NR6A1: variants seen among roughly 807,000 people sequenced by gnomAD.
The protein encoded by NR6A1 is retinoic acid receptor-related testis-associated receptor.
Under a neutral mutation model 59.1 loss-of-function variants are expected in NR6A1, and 7 were observed. That is an observed-to-expected ratio of 0.12 (90% CI 0.07 to 0.22). The LOEUF (loss-of-function observed/expected upper bound fraction) is 0.22. Ranked by LOEUF, NR6A1 falls within the 10% of genes least tolerant of loss-of-function variation. The probability of loss-of-function intolerance (pLI) is 1.00; values close to 1 mark genes in which losing one functional copy is unlikely to be tolerated. For synonymous variants in NR6A1, 243 were observed against 236.1 expected, an observed-to-expected ratio of 1.03 and a Z score of -0.27; for missense variants, 468 against 611.6, an observed-to-expected ratio of 0.77 and a Z score of 2.48.
intron 2 of NR6A1, among the ~76,000 whole-genome samples, chr9:124,694,568 TA>T: frequency 6.6e-6 from 1 of 152,234 alleles, no homozygotes; most frequent in Non-Finnish European, 1.5e-5. Flanking sequence ...ATAGAAGATG[TA>T]CATTTTTCTT....
At chr9:124,769,711 A>C (rs1416849134) in intron 1 of NR6A1, among the ~76,000 whole-genome samples, 2 of 152,090 alleles carry the variant, frequency 1.3e-5, no homozygotes, top group African/African-American at 4.8e-5. Context: ...GCCTCCCTTT[A>C]TTCGGAAATG....
At chr9:124,544,376 A>G (rs1407549912) in intron 3 of NR6A1, among the ~76,000 whole-genome samples, 3 of 152,166 alleles carry the variant, frequency 2.0e-5, no homozygotes, top group South Asian at 2.1e-4. Flanking sequence ...GAACTTACCT[A>G]GCATTTACTA....
chr9:124,630,670 CTTTTTTTTT>C (rs71372980), intron 2 of NR6A1, among the ~76,000 whole-genome samples: 13 of 59,520 alleles, frequency 2.2e-4, no homozygotes, highest in South Asian at 6.8e-4. Flanking sequence ...TACTACATTT[CTTTTTTTTT>C]TTTTTTTTTT....
chr9:124,690,189 T>G (rs1291412471), intron 2 of NR6A1, among the ~76,000 whole-genome samples: 1 of 152,202 alleles, frequency 6.6e-6, no homozygotes, highest in Non-Finnish European at 1.5e-5. Flanking sequence ...AGACGATGAC[T>G]CCTCTTCTAT....
At chr9:124,528,377 T>C (rs1344803901) in intron 7 of NR6A1, among the ~76,000 whole-genome samples, 6 of 151,956 alleles carry the variant, frequency 3.9e-5, no homozygotes, top group African/African-American at 1.5e-4. Flanking sequence ...TACAAAACAA[T>C]ACAACAATAA....
intron 2 of NR6A1, among the ~76,000 whole-genome samples, chr9:124,587,790 T>C (rs562621840): frequency 6.6e-6 from 1 of 152,350 alleles, no homozygotes; most frequent in African/African-American, 2.4e-5. Flanking sequence ...AGCACTCTTT[T>C]ACACATTACA....
chr9:124,766,692 T>C (rs1333945693), intron 1 of NR6A1, among the ~76,000 whole-genome samples: 2 of 152,254 alleles, frequency 1.3e-5, no homozygotes, highest in Admixed American at 1.3e-4. Flanking sequence ...GTCATTAATT[T>C]GGCTATAAAT....
intron 2 of NR6A1, among the ~76,000 whole-genome samples, chr9:124,627,508 A>G (rs553064469): frequency 1.5e-4 from 23 of 152,340 alleles, no homozygotes; most frequent in African/African-American, 5.5e-4. Flanking sequence ...ATGACAAAGT[A>G]AGCAACTTGA....
At chr9:124,691,096 T>C (rs1838530002) in intron 2 of NR6A1, among the ~76,000 whole-genome samples, 1 of 152,236 alleles carries the variant, frequency 6.6e-6, no homozygotes, top group Non-Finnish European at 1.5e-5. Context: ...CTTTATATTA[T>C]TGGACCAAGA....
chr9:124,745,487 C>T (rs1304254996), intron 1 of NR6A1, among the ~76,000 whole-genome samples: 3 of 151,828 alleles, frequency 2.0e-5, no homozygotes, highest in Admixed American at 6.6e-5. Flanking sequence ...GCCTGCCCAA[C>T]ATGGACAAAC....
intron 2 of NR6A1, among the ~76,000 whole-genome samples, chr9:124,562,437 T>C (rs567150513): frequency 6.6e-6 from 1 of 152,280 alleles, no homozygotes; most frequent in South Asian, 2.1e-4. Context: ...GTTTTTTTTT[T>C]GGATACAGGG....
At chr9:124,672,010 T>C (rs907787995) in intron 2 of NR6A1, among the ~76,000 whole-genome samples, 3 of 152,190 alleles carry the variant, frequency 2.0e-5, no homozygotes, top group Admixed American at 6.5e-5. Context: ...ATCTCTATCA[T>C]CTAGTTTTGT....
At chr9:124,685,199 C>G (rs1447799338) in intron 2 of NR6A1, among the ~76,000 whole-genome samples, 1 of 152,134 alleles carries the variant, frequency 6.6e-6, no homozygotes, top group Non-Finnish European at 1.5e-5. Context: ...AATTACTGCA[C>G]CAGAATAATA....
chr9:124,752,858 C>T (rs978220256), intron 1 of NR6A1, among the ~76,000 whole-genome samples: 3 of 150,722 alleles, frequency 2.0e-5, no homozygotes, highest in African/African-American at 4.9e-5. Flanking sequence ...AAAATCTCTA[C>T]ACTACTCTGG....
At chr9:124,528,347 TC>T (rs1183595301) in intron 7 of NR6A1, among the ~76,000 whole-genome samples, 1 of 152,016 alleles carries the variant, frequency 6.6e-6, no homozygotes. Flanking sequence ...TTCCACCAAC[TC>T]CATCAAAAAT....
Position 124,760,459 on chromosome 9 carries a change from C to T in NR6A1, c.100+10561G>A, listed in dbSNP as rs1840758413. Among the ~76,000 whole-genome samples the T allele has an allele frequency of 5.3e-5, 8 of 152,126 alleles. No individual in the cohort carries two copies. The South Asian group carries it at 1.7e-3, about 32-fold the overall frequency. ...GGGCCTCTCCAACATAGATAAATGC[C>T]CCAGATTCTCAGGTTTTTGCTTTTA... is the stretch of plus-strand genomic sequence containing the variant. On this transcript the variant is annotated intron_variant, in intron 1 of 9. Transcript: ENST00000487099.
At chr9:124,719,076 T>C (rs1347106901) in intron 2 of NR6A1, among the ~76,000 whole-genome samples, 1 of 151,990 alleles carries the variant, frequency 6.6e-6, no homozygotes, top group African/African-American at 2.4e-5. Context: ...CCTAGACGTA[T>C]GAATTGTTCA....
intron 2 of NR6A1, among the ~76,000 whole-genome samples, chr9:124,732,545 G>A (rs1037923172): frequency 2.6e-5 from 4 of 152,054 alleles, no homozygotes; most frequent in African/African-American, 4.8e-5. Flanking sequence ...CCATAAGACC[G>A]TAAATGAAAA....
Position 124,771,220 on chromosome 9 carries a change from C to T in NR6A1, c.-101G>A. 1.7e-6 allele frequency: 1 copy of T among 589,810 alleles called. No homozygotes were observed. Among genetic ancestry groups the T allele is most frequent in the Non-Finnish European group, 2.5e-6 (1 of 401,570 alleles). The allele number at this position is 589,810 out of a possible 1,614,324, so 36.5% of individuals were successfully genotyped here. ...GCCGAGGGGAGGAGGTTGTCAGGAG[C>T]CCGCGAGCTCCCGGCCGCGGCTCTC... is the stretch of plus-strand genomic sequence containing the variant. On this transcript the variant is annotated 5_prime_UTR_variant, in exon 1 of 10. Transcript: ENST00000487099.
Sources: gnomAD v4.1 joint callset for allele counts (sites outside exome capture counted in the v4.1 genomes callset) on GRCh38, gnomAD v4.1.1 for gene constraint, MANE v1.5 for transcripts, NCBI Gene and HGNC (gene_info 2026-07-23, HGNC 2026-07-21) for gene names.